The following DGKH variants were observed in gnomAD, a reference collection of about 807,000 sequenced individuals.
DGKH encodes the protein diacylglycerol kinase eta, also known as DAG kinase eta.
Under a neutral mutation model 159.3 loss-of-function variants are expected in DGKH, and 90 were observed. That is an observed-to-expected ratio of 0.57 (90% CI 0.48 to 0.67). DGKH has a LOEUF of 0.67. Ranked by LOEUF, DGKH falls within the 30% of genes least tolerant of loss-of-function variation. DGKH has a pLI of 0.00. For missense variants in DGKH, 1,181 were observed against 1,506.1 expected (o/e 0.78, Z 3.57); for synonymous variants, 536 against 553.8 (o/e 0.97, Z 0.45).
At chr13:42,163,515 C>T (rs1288974855) in intron 7 of DGKH, among the ~76,000 whole-genome samples, 1 of 152,118 alleles carries the variant, frequency 6.6e-6, no homozygotes, top group Non-Finnish European at 1.5e-5. Flanking sequence ...ACATCCTCTC[C>T]AGCACCTGTT....
chr13:42,155,462 T>G (rs1956020694), intron 4 of DGKH, 67 bp downstream of exon 4: 7 of 1,518,128 alleles, frequency 4.6e-6, no homozygotes, highest in Non-Finnish European at 6.4e-6. Context: ...GGGCTAGAGC[T>G]CTACCGTGCA....
At chr13:42,125,612 A>C (rs190369422) in intron 1 of DGKH, among the ~76,000 whole-genome samples, 2 of 152,242 alleles carry the variant, frequency 1.3e-5, no homozygotes, top group Admixed American at 6.5e-5. Context: ...ATTAAATTGT[A>C]ATGATTTCAT....
In DGKH at chr13:42,232,532, C is replaced by G. The variant is rs574018726; in HGVS notation, c.*3344C>G. On this transcript the variant is annotated 3_prime_UTR_variant, in exon 30 of 30. Transcript: ENST00000337343. ...CAATATAATCATGGTTGCTGAAATTCTCACTGCCTTCTACTTTCCTTTCCC... is the reference window on the plus strand; with the variant it reads ...CAATATAATCATGGTTGCTGAAATTGTCACTGCCTTCTACTTTCCTTTCCC... The G allele has an allele frequency of 6.6e-6, 1 of 152,294 alleles. No homozygotes were observed. The highest frequency in any genetic ancestry group is 2.4e-5 in the African/African-American group (1 of 41,560). 9.4% of individuals were successfully genotyped at this position (152,294 alleles called of 1,614,324 possible).
At chr13:42,115,513 C>A (rs1224233581) in intron 1 of DGKH, among the ~76,000 whole-genome samples, 3 of 151,946 alleles carry the variant, frequency 2.0e-5, no homozygotes, top group Admixed American at 2.0e-4. Flanking sequence ...GTGGCCAGAG[C>A]TTTGAAGGAG....
chr13:42,201,691 T>C (rs2138161777), intron 20 of DGKH, among the ~76,000 whole-genome samples: 2 of 152,342 alleles, frequency 1.3e-5, no homozygotes, highest in Middle Eastern at 3.4e-3. Context: ...TGTTTTCAAA[T>C]GCATTATATG....
intron 16 of DGKH, among the ~76,000 whole-genome samples, chr13:42,192,587 T>TTTCCTC (rs11282364): frequency 0.41 from 46,001 of 111,526 alleles, 7,621 homozygotes; most frequent in Admixed American, 0.48. Context: ...TCTTCTTCTT[T>TTTCCTC]TTCCTCTTCC....
intron 1 of DGKH, among the ~76,000 whole-genome samples, chr13:42,108,583 G>A (rs1954805282): frequency 3.3e-5 from 5 of 152,290 alleles, no homozygotes; most frequent in South Asian, 4.1e-4. Flanking sequence ...CATGTGTTAC[G>A]TGAAATAAAA....
At chr13:42,228,720 AAAAG>A (rs993049047) in intron 29 of DGKH, among the ~76,000 whole-genome samples, 6 of 146,876 alleles carry the variant, frequency 4.1e-5, no homozygotes, top group Admixed American at 2.7e-4. Context: ...AGAAAGAAAG[AAAAG>A]AAAGAAAGAG....
At chr13:42,083,806 TAAAA>T (rs1438159223) in intron 1 of DGKH, among the ~76,000 whole-genome samples, 6 of 151,894 alleles carry the variant, frequency 4.0e-5, no homozygotes, top group Admixed American at 1.3e-4. Context: ...ACAGGCTAAA[TAAAA>T]AGAGAGAGAA....
At chr13:42,228,089 G>A (rs1958179943) in intron 29 of DGKH, among the ~76,000 whole-genome samples, 1 of 152,004 alleles carries the variant, frequency 6.6e-6, no homozygotes, top group African/African-American at 2.4e-5. Context: ...GGCCTTAACT[G>A]TTTCTTTTAG....
At position 42,207,133 on chromosome 13, in the gene DGKH, C is replaced by CT. The variant is rs1566192623; in HGVS notation, c.2601+987_2601+988insT. Among the ~76,000 whole-genome samples the CT allele has an allele frequency of 2.2e-3, 64 of 29,292 alleles. 5 individuals carry two copies. Among genetic ancestry groups the CT allele is most frequent in the South Asian group, 3.9e-3 (3 of 760 alleles). 19.2% of individuals were successfully genotyped at this position (29,292 alleles called of 152,430 possible). A position where few individuals can be genotyped will look rare whatever the true frequency, so the allele number is the denominator to read the frequency against. On this transcript the variant is annotated intron_variant, in intron 21 of 29. Coordinates refer to ENST00000337343, the MANE Select transcript of DGKH (RefSeq NM_178009.5). ...TCTTTCTCTTTCTCTCTCCTTCCTT[C>CT]CTTCCTTCCTTCCTTCCTTCCTTCC...
intron 3 of DGKH, among the ~76,000 whole-genome samples, chr13:42,151,527 A>ACGTGTATATATATATATACG (rs1955889732): frequency 1.1e-5 from 1 of 92,228 alleles, no homozygotes; most frequent in African/African-American, 3.4e-5. Flanking sequence ...ATATATATAC[A>ACGTGTATATATATATATACG]CGTGTATATA....
chr13:42,098,948 AT>A (rs1432485170), intron 1 of DGKH, among the ~76,000 whole-genome samples: 2 of 152,232 alleles, frequency 1.3e-5, no homozygotes, highest in Non-Finnish European at 2.9e-5. Flanking sequence ...AAAATTACAA[AT>A]TCATAGGAAA....
chr13:42,069,030 T>C, intron 1 of DGKH: 1 of 1,449,912 alleles, frequency 6.9e-7, no homozygotes. Flanking sequence ...TTGACTTAAG[T>C]GGTGACCCAA....
downstream of DGKH, among the ~76,000 whole-genome samples, chr13:42,244,325 T>C (rs1325105409): frequency 1.3e-5 from 2 of 152,112 alleles, no homozygotes; most frequent in Middle Eastern, 3.4e-3. Flanking sequence ...AAGGGGGCGC[T>C]CTCCCGATGG....
At chr13:42,219,538 A>G in intron 27 of DGKH, 148 bp from the exon 28 acceptor site, 2 of 1,153,172 alleles carry the variant, frequency 1.7e-6, no homozygotes, top group Non-Finnish European at 1.2e-6. Context: ...CATTTTTAGT[A>G]GTACATTGTG....
At chr13:42,126,490 C>T (rs1955174919) in intron 1 of DGKH, among the ~76,000 whole-genome samples, 1 of 152,116 alleles carries the variant, frequency 6.6e-6, no homozygotes, top group African/African-American at 2.4e-5. Flanking sequence ...TGGAGGAAAT[C>T]AAGAGAGGGA....
chr13:42,175,005 A>G (rs1173832302), intron 12 of DGKH, among the ~76,000 whole-genome samples: 1 of 152,262 alleles, frequency 6.6e-6, no homozygotes, highest in African/African-American at 2.4e-5. Flanking sequence ...CATTCTGATT[A>G]AACCTCAAAG....
rs1196065614 is a variant in DGKH, at chr13:42,143,866, A to AT, written c.385-11419dup. ...AAAAAACCAGCTTCTGGATTCATTG[A>AT]TTTTTTGAAGGGTTTTTTGTGTCTC... On this transcript the variant is annotated intron_variant, in intron 3 of 29. Coordinates refer to ENST00000337343, the MANE Select transcript of DGKH (RefSeq NM_178009.5). 5.9e-5 allele frequency among the ~76,000 whole-genome samples: 9 copies of AT among 152,172 alleles called. No individual in the cohort carries two copies. In the South Asian group the frequency reaches 6.2e-4, roughly 11 times the overall value.
Sources: gnomAD v4.1 joint callset for allele counts (sites outside exome capture counted in the v4.1 genomes callset) on GRCh38, gnomAD v4.1.1 for gene constraint, MANE v1.5 for transcripts, NCBI Gene and HGNC (gene_info 2026-07-23, HGNC 2026-07-21) for gene names.